SGMS1: variants seen among roughly 807,000 people sequenced by gnomAD.
SGMS1 encodes phosphatidylcholine:ceramide cholinephosphotransferase 1.
Under a neutral mutation model 46.2 loss-of-function variants are expected in SGMS1, and 13 were observed. The observed-to-expected ratio is 0.28, with a 90% CI of 0.18 to 0.45. The LOEUF is 0.45. SGMS1 is among the 20% of genes least tolerant of loss of function. SGMS1 has a pLI of 1.00. For synonymous variants in SGMS1, 203 were observed against 187.8 expected, an observed-to-expected ratio of 1.08 and a Z score of -0.66; for missense variants, 324 against 519.9, an observed-to-expected ratio of 0.62 and a Z score of 3.66.
chr10:50,375,730 C>T (rs561806835), intron 6 of SGMS1, among the ~76,000 whole-genome samples: 1 of 152,298 alleles, frequency 6.6e-6, no homozygotes, highest in Admixed American at 6.5e-5. Context: ...AAGGCAAACA[C>T]TAGTGTGCCC....
chr10:50,535,981 C>A (rs1471220685), intron 2 of SGMS1, among the ~76,000 whole-genome samples: 2 of 152,090 alleles, frequency 1.3e-5, no homozygotes, highest in Non-Finnish European at 2.9e-5. Context: ...ATATTGATAT[C>A]CCTTCTTGCT....
intron 2 of SGMS1, among the ~76,000 whole-genome samples, chr10:50,528,416 G>A (rs1421942899): frequency 6.6e-6 from 1 of 152,176 alleles, no homozygotes; most frequent in Non-Finnish European, 1.5e-5. Context: ...GCCTCTCAGA[G>A]GTTAAATGAT....
intron 1 of SGMS1, among the ~76,000 whole-genome samples, chr10:50,613,558 C>G (rs1838769967): frequency 6.6e-6 from 1 of 152,220 alleles, no homozygotes; most frequent in Non-Finnish European, 1.5e-5. Flanking sequence ...GCAATCCCCC[C>G]ATCCTCTCTG....
chr10:50,420,736 A>G (rs1308881785), intron 6 of SGMS1, among the ~76,000 whole-genome samples: 1 of 152,252 alleles, frequency 6.6e-6, no homozygotes, highest in Non-Finnish European at 1.5e-5. Context: ...GCTTAAGTGT[A>G]TATGAACAAC....
chr10:50,457,521 C>T lies in SGMS1; in HGVS notation c.-313+3152G>A, dbSNP rs572239207. ...GCTTGGTGTACGAAGGATCCCATCA[C>T]CAAGGTAGTAAGCACAGTACCCAAC... On this transcript the variant is annotated intron_variant, in intron 5 of 10. Coordinates refer to ENST00000361781, the MANE Select transcript of SGMS1 (RefSeq NM_147156.4). Among the ~76,000 whole-genome samples the T allele has an allele frequency of 1.5e-4, 23 of 152,174 alleles. No individual in the cohort carries two copies. In the South Asian group the frequency reaches 4.6e-3, roughly 30 times the overall value.
chr10:50,443,325 G>C (rs1292858808), intron 5 of SGMS1, among the ~76,000 whole-genome samples: 2 of 152,084 alleles, frequency 1.3e-5, no homozygotes, highest in African/African-American at 4.8e-5. Flanking sequence ...TTGAGCCAAA[G>C]TTTGTGGTTT....
intron 7 of SGMS1, chr10:50,343,076 T>C: frequency 6.3e-6 from 1 of 159,026 alleles, no homozygotes; most frequent in East Asian, 1.8e-4. Context: ...GCTCTAGATG[T>C]CTGACTCTGT....
chr10:50,605,964 C>A lies in SGMS1; in HGVS notation c.-683-15717G>T, dbSNP rs1240076846. On this transcript the variant is annotated intron_variant, in intron 1 of 10. Coordinates refer to ENST00000361781, the MANE Select transcript of SGMS1 (RefSeq NM_147156.4). Reference sequence around the variant, plus strand: ...CACTCTCTACATTCATGACAAGGAACATATTTTAAGAGACACCTTATTTTC... The same window carrying A: ...CACTCTCTACATTCATGACAAGGAAAATATTTTAAGAGACACCTTATTTTC... 4.6e-5 allele frequency among the ~76,000 whole-genome samples: 7 copies of A among 152,292 alleles called. No individual in the cohort carries two copies. In the South Asian group the frequency reaches 1.2e-3, roughly 27 times the overall value.
intron 5 of SGMS1, among the ~76,000 whole-genome samples, chr10:50,448,809 T>C (rs1044123161): frequency 6.8e-6 from 1 of 146,596 alleles, no homozygotes; most frequent in African/African-American, 2.5e-5. Context: ...GCAAAAGACA[T>C]ACTGATAAAG....
At chr10:50,607,297 G>C (rs1432432593) in intron 1 of SGMS1, among the ~76,000 whole-genome samples, 1 of 152,024 alleles carries the variant, frequency 6.6e-6, no homozygotes, top group Non-Finnish European at 1.5e-5. Flanking sequence ...ATTGTACTTT[G>C]TGTATAACAG....
At chr10:50,403,443 T>C (rs1848969057) in intron 6 of SGMS1, among the ~76,000 whole-genome samples, 1 of 152,188 alleles carries the variant, frequency 6.6e-6, no homozygotes, top group Admixed American at 6.5e-5. Flanking sequence ...ATATATCTAA[T>C]TGACTAATGT....
intron 3 of SGMS1, among the ~76,000 whole-genome samples, chr10:50,474,745 A>G (rs182888491): frequency 9.7e-4 from 148 of 152,062 alleles, no homozygotes; most frequent in Non-Finnish European, 1.8e-3. Context: ...AAACAGAACA[A>G]AACAAAACAA....
At position 50,307,924 on chromosome 10, in the gene SGMS1, A is replaced by C. The variant is rs944471895; in HGVS notation, c.1062+58T>G. 18 of 1,590,916 alleles carry C rather than the reference A, an allele frequency of 1.1e-5. No individual in the cohort carries two copies. The highest frequency in any genetic ancestry group is 1.5e-5 in the Non-Finnish European group (17 of 1,163,064). On this transcript the variant is annotated intron_variant, in intron 10 of 10. Coordinates refer to ENST00000361781, the MANE Select transcript of SGMS1 (RefSeq NM_147156.4). This position sits in a 1 kb window ranked among gnomAD's most constrained non-coding sequence, Gnocchi z 4.2. ...CCACAGGTTCTTTGCACCCTGTCCA[A>C]GCCAGCAACATCAAGCCAGAAACAA... is the stretch of plus-strand genomic sequence containing the variant.
At chr10:50,482,582 T>A (rs1306422752) in intron 3 of SGMS1, among the ~76,000 whole-genome samples, 1 of 152,150 alleles carries the variant, frequency 6.6e-6, no homozygotes, top group Non-Finnish European at 1.5e-5. Flanking sequence ...TACCAGTCAC[T>A]ACAAAATCAC....
chr10:50,406,129 T>C (rs967190670), intron 6 of SGMS1, among the ~76,000 whole-genome samples: 1 of 152,196 alleles, frequency 6.6e-6, no homozygotes, highest in Non-Finnish European at 1.5e-5. Context: ...GTGTCAGTTA[T>C]CAATTTACTG....
At chr10:50,370,900 C>T (rs1848425715) in intron 6 of SGMS1, among the ~76,000 whole-genome samples, 1 of 152,088 alleles carries the variant, frequency 6.6e-6, no homozygotes, top group Non-Finnish European at 1.5e-5. Flanking sequence ...GATAATGATG[C>T]CTTCCGGAAT....
At chr10:50,386,303 T>C (rs1848681100) in intron 6 of SGMS1, among the ~76,000 whole-genome samples, 1 of 152,198 alleles carries the variant, frequency 6.6e-6, no homozygotes, top group East Asian at 1.9e-4. Context: ...TACAAGAGTA[T>C]AGTAACATTT....
intron 1 of SGMS1, among the ~76,000 whole-genome samples, chr10:50,614,778 T>C (rs1470647475): frequency 6.6e-6 from 1 of 152,252 alleles, no homozygotes; most frequent in Non-Finnish European, 1.5e-5. Flanking sequence ...CCACCAACAG[T>C]ACCTACTTCT....
chr10:50,488,816 T>C (rs148893279), intron 3 of SGMS1, among the ~76,000 whole-genome samples: 21 of 152,330 alleles, frequency 1.4e-4, no homozygotes, highest in Non-Finnish European at 2.2e-4. Context: ...ACCAGGATAA[T>C]TGAGGTTTTT....
Sources: gnomAD v4.1 joint callset for allele counts (sites outside exome capture counted in the v4.1 genomes callset) on GRCh38, gnomAD v4.1.1 for gene constraint, Gnocchi (gnomAD v3.1) non-coding constraint, MANE v1.5 for transcripts, NCBI Gene and HGNC (gene_info 2026-07-23, HGNC 2026-07-21) for gene names.